The following PDHX variants were observed in gnomAD, a reference collection of about 807,000 sequenced individuals.
PDHX encodes pyruvate dehydrogenase complex component X.
In PDHX, 33 loss-of-function variants were observed where a neutral mutation model predicts 55.3. The observed-to-expected ratio is 0.60, with a 90% CI of 0.45 to 0.80. PDHX has a LOEUF of 0.80. PDHX is among the 30% of genes least tolerant of loss of function. The pLI is 0.00. For missense variants in PDHX, 622 were observed against 619.9 expected, an observed-to-expected ratio of 1.00 and a Z score of -0.04; for synonymous variants, 226 against 219.4, an observed-to-expected ratio of 1.03 and a Z score of -0.27.
upstream of PDHX, chr11:34,915,931 A>C: frequency 2.0e-6 from 1 of 501,148 alleles, no homozygotes; most frequent in Non-Finnish European, 3.5e-6. Flanking sequence ...CTTCCTGATA[A>C]ATACCCGGTG....
upstream of PDHX, chr11:34,916,123 C>T (rs1256868231): frequency 7.6e-6 from 11 of 1,449,894 alleles, no homozygotes; most frequent in Admixed American, 2.1e-5. Flanking sequence ...AACCCCGCCC[C>T]GCAGCTAAAC....
chr11:34,917,237 CCT>C (rs1267121135), intron 1 of PDHX, among the ~76,000 whole-genome samples: 3 of 152,144 alleles, frequency 2.0e-5, no homozygotes, highest in African/African-American at 7.2e-5. Flanking sequence ...ATTCTCTAGG[CCT>C]CTCTCTGTTA....
intron 6 of PDHX, among the ~76,000 whole-genome samples, chr11:34,969,855 T>C (rs1855218960): frequency 6.6e-6 from 1 of 152,176 alleles, no homozygotes; most frequent in Non-Finnish European, 1.5e-5. Context: ...TAGGTTTCTT[T>C]CTTATCATCT....
intron 3 of PDHX, among the ~76,000 whole-genome samples, chr11:34,948,906 G>A (rs1044361693): frequency 2.1e-4 from 32 of 152,152 alleles, no homozygotes; most frequent in African/African-American, 7.2e-4. Flanking sequence ...CCCAATTCTG[G>A]ATTGTTTGGC....
intron 8 of PDHX, among the ~76,000 whole-genome samples, chr11:34,984,112 G>A (rs961544120): frequency 6.6e-6 from 1 of 152,120 alleles, no homozygotes; most frequent in African/African-American, 2.4e-5. Context: ...CTTTTAAATA[G>A]GGATGTCATG....
intron 9 of PDHX, 43 bp downstream of exon 9, chr11:34,984,771 A>C: frequency 6.4e-7 from 1 of 1,574,532 alleles, no homozygotes; most frequent in South Asian, 1.1e-5. Context: ...GTTAGCATAT[A>C]CTTTTGGATA....
At chr11:34,944,219 A>T (rs1854568158) in intron 2 of PDHX, among the ~76,000 whole-genome samples, 1 of 151,942 alleles carries the variant, frequency 6.6e-6, no homozygotes, top group Non-Finnish European at 1.5e-5. Context: ...TCCCAGGTTC[A>T]AGTGATTCTT....
At chr11:34,961,701 T>A (rs1855024455) in intron 5 of PDHX, among the ~76,000 whole-genome samples, 1 of 152,228 alleles carries the variant, frequency 6.6e-6, no homozygotes, top group Non-Finnish European at 1.5e-5. Context: ...TTAGATATCC[T>A]CATTTATGTG....
chr11:34,921,621 T>A (rs1853881367), intron 1 of PDHX, among the ~76,000 whole-genome samples: 1 of 152,142 alleles, frequency 6.6e-6, no homozygotes, highest in South Asian at 2.1e-4. Context: ...ATTTTATTTA[T>A]TTTAATTGTT....
chr11:34,924,954 T>A (rs1853984630), intron 1 of PDHX, among the ~76,000 whole-genome samples: 1 of 152,206 alleles, frequency 6.6e-6, no homozygotes, highest in African/African-American at 2.4e-5. Flanking sequence ...CCAGTGAAAT[T>A]ATTTTGTAAT....
chr11:34,962,546 A>G (rs1855039791), intron 5 of PDHX, among the ~76,000 whole-genome samples: 1 of 152,222 alleles, frequency 6.6e-6, no homozygotes, highest in Non-Finnish European at 1.5e-5. Context: ...AATGAGATGA[A>G]GATGTATCTC....
intron 2 of PDHX, among the ~76,000 whole-genome samples, chr11:34,946,498 A>T (rs1019463472): frequency 2.0e-5 from 3 of 152,120 alleles, no homozygotes; most frequent in African/African-American, 7.2e-5. Flanking sequence ...TTTACTTTTA[A>T]GTGGAAAGTT....
chr11:34,957,282 A>G lies in PDHX; in HGVS notation c.343-102A>G, dbSNP rs745671853. On this transcript the variant is annotated intron_variant, in intron 3 of 10. Transcript: ENST00000227868. Reference sequence around the variant, plus strand: ...TGTCTTGGAAGCAGCTTTTAGCTCAAATTAAGATATCTTAAGGGGAGAATT... The same window carrying G: ...TGTCTTGGAAGCAGCTTTTAGCTCAGATTAAGATATCTTAAGGGGAGAATT... 9.3e-6 allele frequency: 8 copies of G among 858,426 alleles called. No individual in the cohort carries two copies. The African/African-American group carries it at 1.3e-4, about 14-fold the overall frequency. The allele number at this position is 858,426 out of a possible 1,614,324, so 53.2% of individuals were successfully genotyped here. A position where few individuals can be genotyped will look rare whatever the true frequency, so the allele number is the denominator to read the frequency against.
intron 3 of PDHX, among the ~76,000 whole-genome samples, chr11:34,950,944 T>C (rs1276816530): frequency 6.6e-6 from 1 of 150,470 alleles, no homozygotes; most frequent in Non-Finnish European, 1.5e-5. Context: ...CCCTGAGGAA[T>C]CGCCACACTG....
intron 4 of PDHX, among the ~76,000 whole-genome samples, chr11:34,959,347 G>A (rs1454580683): frequency 6.6e-6 from 1 of 151,936 alleles, no homozygotes; most frequent in Non-Finnish European, 1.5e-5. Flanking sequence ...TTAGGGAAAT[G>A]AAAATCAAAA....
At position 34,950,989 on chromosome 11, in the gene PDHX, C is replaced by A. The variant is rs1191465925; in HGVS notation, c.342+3383C>A. ...ATGGTTGAACTAGTTTACAGTCCCA[C>A]CAGCAGTGTAAAAGTATTCCTATTT... is the stretch of plus-strand genomic sequence containing the variant. On this transcript the variant is annotated intron_variant, in intron 3 of 10. Transcript: ENST00000227868. Among the ~76,000 whole-genome samples, 9 of 150,488 alleles carry A rather than the reference C, an allele frequency of 6.0e-5. No homozygotes were observed. The East Asian group carries it at 1.8e-3, about 29-fold the overall frequency.
At chr11:34,943,835 A>G (rs1163772523) in intron 2 of PDHX, among the ~76,000 whole-genome samples, 1 of 152,030 alleles carries the variant, frequency 6.6e-6, no homozygotes, top group East Asian at 1.9e-4. Flanking sequence ...TGGTCATTGT[A>G]TTCTAGGAAG....
At chr11:34,958,503 A>G (rs2133973847) in intron 4 of PDHX, among the ~76,000 whole-genome samples, 1 of 152,218 alleles carries the variant, frequency 6.6e-6, no homozygotes, top group South Asian at 2.1e-4. Context: ...GAGTTTCTCC[A>G]TGTTGGCCAG....
At chr11:34,930,611 T>C (rs11608116) in intron 1 of PDHX, among the ~76,000 whole-genome samples, 33,794 of 152,130 alleles carry the variant, frequency 0.22, 4,922 homozygotes, top group Non-Finnish European at 0.34. Context: ...TATTAGTAAA[T>C]TGTAATCTAA....
Sources: gnomAD v4.1 joint callset for allele counts (sites outside exome capture counted in the v4.1 genomes callset) on GRCh38, gnomAD v4.1.1 for gene constraint, MANE v1.5 for transcripts, NCBI Gene and HGNC (gene_info 2026-07-23, HGNC 2026-07-21) for gene names.